Variants in MMP19 observed in about 807,000 individuals in gnomAD.
MMP19 encodes the protein matrix metallopeptidase 19.
MMP19 carries 47 observed loss-of-function variants against 46.6 expected under a neutral mutation model. The ratio of observed to expected loss-of-function variants is 1.01; its 90% confidence interval spans 0.80 to 1.29. The LOEUF (loss-of-function observed/expected upper bound fraction) is 1.29. MMP19 is among the 50% of genes most tolerant of loss of function. The pLI is 0.00. For synonymous variants in MMP19, 222 were observed against 248.5 expected, an observed-to-expected ratio of 0.89 and a Z score of 1.00; for missense variants, 589 against 643.5, an observed-to-expected ratio of 0.92 and a Z score of 0.92.
chr12:55,840,858 G>A lies in MMP19; in HGVS notation c.329C>T (p.Thr110Ile), dbSNP rs1164091468. ...GGAGGGCAGGTTCAAGATGCGGAAA[G>A]TCAGGTGCTTCTTTCTCCAGCGGCC... is the stretch of plus-strand genomic sequence containing the variant. ...LLGRWRKKHL[T>I]FRILNLPSTL... The change falls in exon 4 of 9, where the codon ACT (threonine) becomes ATT (isoleucine). Residue 110 changes from threonine (T) to isoleucine (I), a missense_variant. By Grantham distance (89) the Thr-to-Ile change is moderately conservative. Transcript: ENST00000322569. 1 of 1,590,666 alleles carries A rather than the reference G, an allele frequency of 6.3e-7. No individual in the cohort carries two copies. The highest frequency in any genetic ancestry group is 8.6e-7 in the Non-Finnish European group (1 of 1,164,580).
Position 55,839,590 on chromosome 12 carries a change from T to G in MMP19, c.672A>C (p.Arg224=). 1 of 1,614,186 alleles carries G rather than the reference T, an allele frequency of 6.2e-7. No homozygotes were observed. Among genetic ancestry groups the G allele is most frequent in the Non-Finnish European group, 8.5e-7 (1 of 1,180,028 alleles). Residue 224 remains arginine (R), a synonymous_variant, in exon 5 of 9, where the codon CGA becomes CGC. Transcript: ENST00000322569. ...VGHALGLGHS[R]YSQALMAPVY... ...CTGGGGCCATGAGGGCCTGGGAATA[T>G]CGGGAGTGCCCAAGCCCCAGAGCAT...
At chr12:55,842,502 G>T in intron 1 of MMP19, 64 bp from the exon 2 acceptor site, 1 of 1,267,682 alleles carries the variant, frequency 7.9e-7, no homozygotes, top group South Asian at 1.2e-5. Context: ...GCTTCTAAGT[G>T]ACCTAACAGA....
chr12:55,837,048 C>G lies in MMP19; in HGVS notation c.1515G>C (p.Thr505=). 6.4e-7 allele frequency: 1 copy of G among 1,568,420 alleles called. No individual in the cohort carries two copies. The change falls in exon 9 of 9, where the codon ACG becomes ACC. Residue 505 remains threonine, a synonymous_variant. Transcript: ENST00000322569. ...TGTGGGTGAGCAGTCAGTATTCAAA[C>G]GTGGTTTCTGTGGCTGAGAGAGTGG... ...LDTTLSATET[T]FEY is the part of the protein sequence containing the mutation.
At position 55,841,199 on chromosome 12, in the gene MMP19, G is replaced by C. The variant is rs1321908850; in HGVS notation, c.211C>G (p.Gln71Glu). ...QEASELPVSG[Q>E]LDDATRARMR... ...CGGGCCCTTGTGGCATCATCCAGCT[G>C]ACCTGAGACTGGAAGTTCAGATGCT... The change falls in exon 3 of 9, where the codon CAG (glutamine) becomes GAG (glutamate). Residue 71 changes from glutamine (Q) to glutamate (E), a missense_variant. Gln to Glu is a conservative substitution (Grantham distance 29). Coordinates refer to ENST00000322569, the MANE Select transcript of MMP19 (RefSeq NM_002429.6). 2 of 1,613,676 alleles carry C rather than the reference G, an allele frequency of 1.2e-6. No individual in the cohort carries two copies. The highest frequency in any genetic ancestry group is 2.2e-5 in the East Asian group (1 of 44,880).
In MMP19 at chr12:55,837,842, C is replaced by T. The variant is rs747586941; in HGVS notation, c.1060+1G>A. 6.2e-7 allele frequency: 1 copy of T among 1,603,320 alleles called. No individual in the cohort carries two copies. Among genetic ancestry groups the T allele is most frequent in the Admixed American group, 1.7e-5 (1 of 59,502 alleles). On this transcript the variant is annotated splice_donor_variant, in intron 7 of 8. Transcript: ENST00000322569. LOFTEE classifies it high-confidence loss of function. ...TAAGACACTGTAACTAGCCTCCTTA[C>T]CCTTAAAGAAGTGAATCCATTGTGT...
Position 55,835,851 on chromosome 12 carries a change from TC to T in MMP19, c.*1184del, listed in dbSNP as rs1881175311. 6.6e-6 allele frequency: 1 copy of T among 151,644 alleles called. No homozygotes were observed. The highest frequency in any genetic ancestry group is 1.5e-5 in the Non-Finnish European group (1 of 67,942). 9.4% of individuals were successfully genotyped at this position (151,644 alleles called of 1,614,324 possible). A position where few individuals can be genotyped will look rare whatever the true frequency, so the allele number is the denominator to read the frequency against. On this transcript the variant is annotated 3_prime_UTR_variant, in exon 9 of 9. Coordinates refer to ENST00000322569, the MANE Select transcript of MMP19 (RefSeq NM_002429.6). ...TGGGAGCACTGTCTTCCATGGGGCT[TC>T]CACTTCTCTCCTCAACCTGGGGAAG...
chr12:55,840,973 C>G, intron 3 of MMP19, 91 bp from the exon 4 acceptor site: 1 of 1,534,492 alleles, frequency 6.5e-7, no homozygotes, highest in Non-Finnish European at 8.8e-7. Flanking sequence ...ACCCCCAAGA[C>G]AGGTGACAAC....
Position 55,842,402 on chromosome 12 carries a change from G to C in MMP19, c.124C>G (p.Leu42Val). The C allele has an allele frequency of 6.2e-7, 1 of 1,613,930 alleles. No homozygotes were observed. The highest frequency in any genetic ancestry group is 1.7e-5 in the Admixed American group (1 of 60,024). The change falls in exon 2 of 9, where the codon CTA becomes GTA. Residue 42 changes from leucine (L) to valine (V), a missense_variant. By Grantham distance (32) the Leu-to-Val change is conservative (BLOSUM62 1). Transcript: ENST00000322569. ...GGCTTGAAGTTATTAGATCCTTCTAGAGGCTTCTGTAGGTACCCATATTGT... is the reference window on the plus strand; with the variant it reads ...GGCTTGAAGTTATTAGATCCTTCTACAGGCTTCTGTAGGTACCCATATTGT... ...LSQYGYLQKP[L>V]EGSNNFKPED...
In MMP19 at chr12:55,839,450, G is replaced by A. The variant is rs148396884; in HGVS notation, c.766+46C>T. The A allele has an allele frequency of 1.4e-5, 22 of 1,556,682 alleles. No individual in the cohort carries two copies. In the Middle Eastern group the frequency reaches 6.9e-4, roughly 49 times the overall value. Reference sequence around the variant, plus strand: ...TAGACCTGTCTCTTCAAGCCTTGACGTGGGAGTCAGACTGACCCTCCCCCT... The same window carrying A: ...TAGACCTGTCTCTTCAAGCCTTGACATGGGAGTCAGACTGACCCTCCCCCT... On this transcript the variant is annotated intron_variant, in intron 5 of 8. Transcript: ENST00000322569.
chr12:55,839,790 T>C, intron 4 of MMP19, 49 bp from the exon 5 acceptor site: 1 of 1,565,604 alleles, frequency 6.4e-7, no homozygotes, highest in South Asian at 1.2e-5. Flanking sequence ...CCCGCTAGGC[T>C]AGAGCACACC....
In MMP19 at chr12:55,842,744, C is replaced by G; in HGVS notation, c.87G>C (p.Val29=). The change falls in exon 1 of 9, where the codon GTG becomes GTC. Residue 29 remains valine (V), a splice_region_variant and synonymous_variant. Transcript: ENST00000322569. Reference sequence around the variant, plus strand: ...CAGGTCTCTTTCTTGGGGGACTTACCACAGGCGCCACCTCTGCAAGCCCCA... The same window carrying G: ...CAGGTCTCTTTCTTGGGGGACTTACGACAGGCGCCACCTCTGCAAGCCCCA... ...RVLGLAEVAP[V]DYLSQYGYLQ... The G allele has an allele frequency of 6.2e-7, 1 of 1,602,138 alleles. No homozygotes were observed. Among genetic ancestry groups the G allele is most frequent in the South Asian group, 1.1e-5 (1 of 89,192 alleles).
rs765189055 is a variant in MMP19, at chr12:55,842,875, C to G, written c.-45G>C. Reference sequence around the variant, plus strand: ...TCCAGAGGCTGTCCGTGCCTCTGACCTGAGATTTCTGGGAGCCTTGGGGGA... The same window carrying G: ...TCCAGAGGCTGTCCGTGCCTCTGACGTGAGATTTCTGGGAGCCTTGGGGGA... On this transcript the variant is annotated 5_prime_UTR_variant, in exon 1 of 9. Transcript: ENST00000322569. The G allele has an allele frequency of 1.4e-5, 21 of 1,490,168 alleles. No homozygotes were observed. Among genetic ancestry groups the G allele is most frequent in the Non-Finnish European group, 1.7e-5 (19 of 1,091,066 alleles). The allele number at this position is 1,490,168 out of a possible 1,614,324, so 92.3% of individuals were successfully genotyped here. A position where few individuals can be genotyped will look rare whatever the true frequency, so the allele number is the denominator to read the frequency against.
Position 55,837,392 on chromosome 12 carries a change from G to A in MMP19, c.1189-18C>T. On this transcript the variant is annotated intron_variant, in intron 8 of 8. Coordinates refer to ENST00000322569, the MANE Select transcript of MMP19 (RefSeq NM_002429.6). ...CCGGAGCCCTGGATATGGGATGGGT[G>A]GGGAGAGGGGAGAGGAAGAGGAGAG... 1 of 1,584,970 alleles carries A rather than the reference G, an allele frequency of 6.3e-7. No homozygotes were observed. Among genetic ancestry groups the A allele is most frequent in the Non-Finnish European group, 8.6e-7 (1 of 1,162,698 alleles).
chr12:55,841,008 A>G (rs1250623552), intron 3 of MMP19, 98 bp downstream of exon 3: 11 of 1,555,352 alleles, frequency 7.1e-6, no homozygotes, highest in Admixed American at 1.8e-5. Context: ...GTGATTATCT[A>G]TTCAACACTG....
chr12:55,839,997 G>C (rs1240970378), intron 4 of MMP19: 2 of 494,340 alleles, frequency 4.0e-6, no homozygotes, highest in East Asian at 3.4e-5. Context: ...ATACCTCTAA[G>C]GTATGCCTTG....
chr12:55,839,466 C>A (rs200235236), intron 5 of MMP19, 30 bp downstream of exon 5: 1 of 1,578,738 alleles, frequency 6.3e-7, no homozygotes, highest in South Asian at 1.1e-5. Flanking sequence ...GTCAGACTGA[C>A]CCTCCCCCTC....
In MMP19 at chr12:55,837,314, G is replaced by A. The variant is rs1881303710; in HGVS notation, c.1249C>T (p.Pro417Ser). The A allele has an allele frequency of 6.2e-7, 1 of 1,612,740 alleles. No individual in the cohort carries two copies. The highest frequency in any genetic ancestry group is 1.7e-5 in the Admixed American group (1 of 59,998). The change falls in exon 9 of 9, where the codon CCA (proline) becomes TCA (serine). Residue 417 changes from proline to serine, a missense_variant. Pro to Ser is a moderately conservative substitution (Grantham distance 74). Coordinates refer to ENST00000322569, the MANE Select transcript of MMP19 (RefSeq NM_002429.6). ...ARTDFSSYPK[P>S]IKGLFTGVPN... Reference sequence around the variant, plus strand: ...ACTCCCGTAAACAAACCCTTGATTGGTTTGGGGTAGCTGCTGAAGTCAGTT... The same window carrying A: ...ACTCCCGTAAACAAACCCTTGATTGATTTGGGGTAGCTGCTGAAGTCAGTT...
chr12:55,841,432 C>T, intron 2 of MMP19, 196 bp from the exon 3 acceptor site: 1 of 551,826 alleles, frequency 1.8e-6, no homozygotes, highest in South Asian at 2.6e-5. Context: ...GGAGATACTC[C>T]AGCTTCATCT....
intron 6 of MMP19, 30 bp downstream of exon 6, chr12:55,838,576 T>G (rs1042017805): frequency 6.2e-7 from 1 of 1,614,158 alleles, no homozygotes; most frequent in African/African-American, 1.3e-5. Context: ...CCCCACCGCC[T>G]GCCAACAGCC....
Sources: allele counts gnomAD v4.1 joint callset, GRCh38; gene constraint gnomAD v4.1.1; transcripts MANE v1.5; gene names NCBI Gene and HGNC (gene_info 2026-07-23, HGNC 2026-07-21).